The following IQCM variants were observed in gnomAD, a reference collection of about 807,000 sequenced individuals.
The protein encoded by IQCM is IQ domain-containing protein M.
Under a neutral mutation model 57.6 loss-of-function variants are expected in IQCM, and 45 were observed. That is an observed-to-expected ratio of 0.78 (90% CI 0.62 to 1.00). The LOEUF is 1.00. Among genes scored for constraint, IQCM ranks in the 50% least tolerant of loss-of-function variants. The probability of loss-of-function intolerance (pLI) is 0.00; values close to 1 mark genes in which losing one functional copy is unlikely to be tolerated. For missense variants in IQCM, 468 were observed against 511.6 expected, an observed-to-expected ratio of 0.91 and a Z score of 0.82; for synonymous variants, 148 against 158.9, an observed-to-expected ratio of 0.93 and a Z score of 0.51.
chr4:149,540,951 T>C (rs1273478947), intron 12 of IQCM, among the ~76,000 whole-genome samples: 1 of 152,192 alleles, frequency 6.6e-6, no homozygotes, highest in Non-Finnish European at 1.5e-5. Flanking sequence ...TTACCTCTGA[T>C]ACGTCTTCAT....
chr4:149,353,138 A>AT (rs1202612170), intron 13 of IQCM, among the ~76,000 whole-genome samples: 4 of 152,162 alleles, frequency 2.6e-5, no homozygotes, highest in African/African-American at 9.7e-5. Context: ...CTGAATAGGC[A>AT]TTTTTCCAAA....
At chr4:149,445,374 T>A (rs1308218520) in intron 12 of IQCM, among the ~76,000 whole-genome samples, 2 of 151,916 alleles carry the variant, frequency 1.3e-5, no homozygotes, top group African/African-American at 4.8e-5. Flanking sequence ...ATAAAACATA[T>A]ACGTAGTTAT....
chr4:149,768,041 A>C lies in IQCM; in HGVS notation c.-48-25302T>G, dbSNP rs79611957. On this transcript the variant is annotated intron_variant, in intron 2 of 13. Transcript: ENST00000636793. ...TTCATGTGAAATGAATGTGATAATC[A>C]GTTCCACGTCTCACGTAACTCACAG... 4.5e-3 allele frequency among the ~76,000 whole-genome samples: 692 copies of C among 152,226 alleles called. 6 individuals are homozygous for C. Among genetic ancestry groups the C allele is most frequent in the African/African-American group, 0.016 (662 of 41,566 alleles).
intron 10 of IQCM, among the ~76,000 whole-genome samples, chr4:149,560,510 G>A (rs559032663): frequency 6.6e-6 from 1 of 151,926 alleles, no homozygotes; most frequent in African/African-American, 2.4e-5. Context: ...TACATCGAGG[G>A]ACATACCCTG....
chr4:149,615,537 T>A (rs1379738200), intron 8 of IQCM, among the ~76,000 whole-genome samples: 1 of 152,182 alleles, frequency 6.6e-6, no homozygotes, highest in Non-Finnish European at 1.5e-5. Flanking sequence ...AACATGTGGT[T>A]GCAGAAGTGA....
intron 13 of IQCM, among the ~76,000 whole-genome samples, chr4:149,390,408 T>C (rs1731762030): frequency 6.6e-6 from 1 of 151,880 alleles, no homozygotes; most frequent in African/African-American, 2.4e-5. Context: ...TCCATCTGGA[T>C]ATCTAGATGC....
chr4:149,407,659 T>C (rs188142480), intron 13 of IQCM, among the ~76,000 whole-genome samples: 7 of 152,318 alleles, frequency 4.6e-5, no homozygotes, highest in African/African-American at 7.2e-5. Context: ...TTTCATTCTT[T>C]GTTATGCCTG....
chr4:149,477,825 G>A (rs921246337), intron 12 of IQCM, among the ~76,000 whole-genome samples: 1 of 152,084 alleles, frequency 6.6e-6, no homozygotes, highest in Non-Finnish European at 1.5e-5. Flanking sequence ...ATACTGGGGG[G>A]AAAAATGCAT....
chr4:149,811,563 T>C (rs1774567651), intron 2 of IQCM, among the ~76,000 whole-genome samples: 1 of 152,188 alleles, frequency 6.6e-6, no homozygotes, highest in Admixed American at 6.5e-5. Flanking sequence ...AAGTTTATCT[T>C]TGGCATTTCC....
chr4:149,707,958 G>A (rs994235908), intron 5 of IQCM, among the ~76,000 whole-genome samples: 2 of 151,908 alleles, frequency 1.3e-5, no homozygotes, highest in South Asian at 2.1e-4. Flanking sequence ...TCTAGAACCA[G>A]GAAGACAATT....
chr4:149,546,410 G>A (rs1174424461), intron 12 of IQCM, among the ~76,000 whole-genome samples: 1 of 152,146 alleles, frequency 6.6e-6, no homozygotes, highest in Non-Finnish European at 1.5e-5. Context: ...CTTCCACAAT[G>A]GTTGAACTAG....
At chr4:149,693,129 A>C (rs1162948220) in intron 5 of IQCM, among the ~76,000 whole-genome samples, 2 of 152,182 alleles carry the variant, frequency 1.3e-5, no homozygotes, top group African/African-American at 4.8e-5. Context: ...TCATTTGTTC[A>C]TCTGAAATCA....
chr4:149,733,460 T>A lies in IQCM; in HGVS notation c.169A>T (p.Lys57Ter). 1 of 1,231,484 alleles carries A rather than the reference T, an allele frequency of 8.1e-7. No individual in the cohort carries two copies. The highest frequency in any genetic ancestry group is 1.0e-6 in the Non-Finnish European group (1 of 987,408). 76.3% of individuals were successfully genotyped at this position (1,231,484 alleles called of 1,614,324 possible). A position where few individuals can be genotyped will look rare whatever the true frequency, so the allele number is the denominator to read the frequency against. ...SINVFRKKHQ[K>*]PKSGKYIPLE... The stretch of plus-strand genomic sequence containing the variant: ...GGTATGTATTTGCCAGATTTCGGTT[T>A]TTGGTGTTTCTTTCTAAAAACATTT... Residue 57 changes from lysine to a stop codon, truncating the protein, a stop_gained, in exon 5 of 14, where the codon AAA (lysine) becomes TAA (stop). Transcript: ENST00000636793. LOFTEE classifies it high-confidence loss of function.
At chr4:149,376,213 G>C (rs986393786) in intron 13 of IQCM, among the ~76,000 whole-genome samples, 1 of 151,950 alleles carries the variant, frequency 6.6e-6, no homozygotes, top group Admixed American at 6.6e-5. Context: ...GTGAACCCTG[G>C]GACTTTGTGA....
At chr4:149,609,791 G>A (rs528432681) in intron 8 of IQCM, among the ~76,000 whole-genome samples, 1 of 151,788 alleles carries the variant, frequency 6.6e-6, no homozygotes, top group African/African-American at 2.4e-5. Context: ...TCTAAATGGA[G>A]AAAAACTGAA....
At chr4:149,441,310 A>C (rs1735918420) in intron 12 of IQCM, among the ~76,000 whole-genome samples, 1 of 152,154 alleles carries the variant, frequency 6.6e-6, no homozygotes, top group Non-Finnish European at 1.5e-5. Context: ...ATTCCTCTCC[A>C]TTTATGGACC....
chr4:149,651,765 C>A (rs978305772), intron 7 of IQCM, among the ~76,000 whole-genome samples: 3 of 152,090 alleles, frequency 2.0e-5, no homozygotes, highest in African/African-American at 7.2e-5. Context: ...TGGGGTCAAT[C>A]ACTTAGAATG....
intron 13 of IQCM, among the ~76,000 whole-genome samples, chr4:149,420,348 C>G (rs1366414601): frequency 6.6e-6 from 1 of 151,082 alleles, no homozygotes; most frequent in Non-Finnish European, 1.5e-5. Context: ...TGCAAGAACA[C>G]GGATTATCCT....
chr4:149,426,668 G>T (rs1013756111), intron 13 of IQCM, among the ~76,000 whole-genome samples: 5 of 151,914 alleles, frequency 3.3e-5, no homozygotes, highest in Non-Finnish European at 7.4e-5. Context: ...TGTGTAGGCA[G>T]AAGGTCTCAG....
Sources: gnomAD v4.1 joint callset for allele counts (sites outside exome capture counted in the v4.1 genomes callset) on GRCh38, gnomAD v4.1.1 for gene constraint, MANE v1.5 for transcripts, NCBI Gene and HGNC (gene_info 2026-07-23, HGNC 2026-07-21) for gene names.